ADAMTSL1: variants seen among roughly 807,000 people sequenced by gnomAD.
ADAMTSL1 encodes ADAMTS-like protein 1.
ADAMTSL1 carries 126 observed loss-of-function variants against 201.8 expected under a neutral mutation model. The ratio of observed to expected loss-of-function variants is 0.62; its 90% CI spans 0.54 to 0.72. The LOEUF (loss-of-function observed/expected upper bound fraction) is 0.72, where lower values mean the gene tolerates loss of function less well. Ranked by LOEUF, ADAMTSL1 falls within the 30% of genes least tolerant of loss-of-function variation. The pLI, the probability that ADAMTSL1 is intolerant of heterozygous loss-of-function variation, is 0.00. For missense variants in ADAMTSL1, 2,679 were observed against 2,277.8 expected (o/e 1.18, Z -3.59); for synonymous variants, 1,121 against 903.4 (o/e 1.24, Z -4.32).
chr9:18,121,750 T>C (rs1435576805), intron 1 of ADAMTSL1, among the ~76,000 whole-genome samples: 1 of 152,182 alleles, frequency 6.6e-6, no homozygotes, highest in Non-Finnish European at 1.5e-5. Flanking sequence ...GAAATTAAAA[T>C]GATGGTGTAT....
At chr9:18,383,229 A>G (rs553108200) in intron 2 of ADAMTSL1, among the ~76,000 whole-genome samples, 1 of 152,282 alleles carries the variant, frequency 6.6e-6, no homozygotes, top group Non-Finnish European at 1.5e-5. Context: ...AAAGTCTTCT[A>G]TACTTTCTTG....
intron 2 of ADAMTSL1, among the ~76,000 whole-genome samples, chr9:18,290,162 T>C (rs375671648): frequency 2.6e-5 from 4 of 152,292 alleles, no homozygotes; most frequent in African/African-American, 9.6e-5. Flanking sequence ...GTGATTCAAC[T>C]TGAACCCTCC....
chr9:18,480,310 A>T (rs564433835), intron 1 of ADAMTSL1, among the ~76,000 whole-genome samples: 1 of 152,300 alleles, frequency 6.6e-6, no homozygotes, highest in Admixed American at 6.5e-5. Context: ...AATAGCTAGA[A>T]GTACTATATG....
chr9:18,657,291 T>A (rs1461261541), intron 7 of ADAMTSL1, among the ~76,000 whole-genome samples: 1 of 152,234 alleles, frequency 6.6e-6, no homozygotes, highest in African/African-American at 2.4e-5. Flanking sequence ...AATCTACATT[T>A]TAAAATCCAC....
intron 2 of ADAMTSL1, among the ~76,000 whole-genome samples, chr9:18,453,634 A>C (rs1820497435): frequency 6.6e-6 from 1 of 151,994 alleles, no homozygotes; most frequent in Admixed American, 6.6e-5. Context: ...CTCCCTCAAT[A>C]TTTTGCTTGG....
At chr9:18,856,414 G>A (rs62549158) in intron 23 of ADAMTSL1, among the ~76,000 whole-genome samples, 199 of 148,296 alleles carry the variant, frequency 1.3e-3, no homozygotes, top group Middle Eastern at 0.011. Context: ...TAGTCTTATT[G>A]TTGACATAGC....
chr9:18,652,182 G>T (rs1828320394), intron 7 of ADAMTSL1, among the ~76,000 whole-genome samples: 1 of 151,888 alleles, frequency 6.6e-6, no homozygotes, highest in African/African-American at 2.4e-5. Context: ...GACCAGCCTG[G>T]CCAAGATGGT....
chr9:18,811,314 T>A (rs1000385990), intron 20 of ADAMTSL1, among the ~76,000 whole-genome samples: 1 of 152,180 alleles, frequency 6.6e-6, no homozygotes, highest in Non-Finnish European at 1.5e-5. Flanking sequence ...GGAGACCACA[T>A]GGGGAGCCTG....
intron 7 of ADAMTSL1, among the ~76,000 whole-genome samples, chr9:18,655,004 C>G (rs1250428573): frequency 1.3e-5 from 2 of 152,244 alleles, no homozygotes; most frequent in East Asian, 1.9e-4. Flanking sequence ...CTAAGCCAGG[C>G]TGGGGGGACC....
chr9:18,898,135 G>C (rs1328187436), intron 26 of ADAMTSL1, among the ~76,000 whole-genome samples: 1 of 152,184 alleles, frequency 6.6e-6, no homozygotes, highest in Non-Finnish European at 1.5e-5. Flanking sequence ...GTTGCAGTGA[G>C]CTGAGATCAT....
chr9:18,795,536 A>C lies in ADAMTSL1; in HGVS notation c.3805+12A>C. ...CGTCACATTAGCAGGTAACCCAAAA[A>C]TCCCTGTTCTGTTCATTTCATAAAC... On this transcript the variant is annotated intron_variant, in intron 20 of 28. Transcript: ENST00000380548. 6.2e-7 allele frequency: 1 copy of C among 1,601,984 alleles called. No homozygotes were observed. Among genetic ancestry groups the C allele is most frequent in the Non-Finnish European group, 8.5e-7 (1 of 1,173,608 alleles).
At chr9:18,809,413 T>C (rs1021912617) in intron 20 of ADAMTSL1, among the ~76,000 whole-genome samples, 7 of 152,146 alleles carry the variant, frequency 4.6e-5, no homozygotes, top group Admixed American at 3.9e-4. Flanking sequence ...GCTGGAGCAC[T>C]GTGATTGATG....
At chr9:18,409,091 A>G (rs1358573972) in intron 2 of ADAMTSL1, among the ~76,000 whole-genome samples, 2 of 152,086 alleles carry the variant, frequency 1.3e-5, no homozygotes, top group Non-Finnish European at 1.5e-5. Context: ...AAATCGGAAG[A>G]CTGACATCCA....
intron 2 of ADAMTSL1, among the ~76,000 whole-genome samples, chr9:18,268,326 C>T (rs905612086): frequency 6.6e-6 from 1 of 152,176 alleles, no homozygotes; most frequent in Admixed American, 6.6e-5. Flanking sequence ...TCCCAAACCA[C>T]TGGTTTTCCC....
chr9:18,791,182 A>AAGCAAGCCTCCGTCTCTGC (rs1331332888), intron 19 of ADAMTSL1, among the ~76,000 whole-genome samples: 2 of 152,186 alleles, frequency 1.3e-5, no homozygotes, highest in Admixed American at 6.5e-5. Flanking sequence ...AGGTAAACTG[A>AAGCAAGCCTCCGTCTCTGC]AGCAAGCCTC....
At chr9:18,689,155 T>C (rs189827196) in intron 13 of ADAMTSL1, among the ~76,000 whole-genome samples, 21 of 152,302 alleles carry the variant, frequency 1.4e-4, no homozygotes, top group African/African-American at 5.1e-4. Context: ...AGTACAATTA[T>C]ATTTGTTAAT....
intron 15 of ADAMTSL1, among the ~76,000 whole-genome samples, chr9:18,724,509 T>C (rs140480071): frequency 6.6e-6 from 1 of 152,370 alleles, no homozygotes; most frequent in East Asian, 1.9e-4. Context: ...TTCTGACTGT[T>C]CCAATTTGTG....
Position 18,850,750 on chromosome 9 carries a change from G to A in ADAMTSL1, c.4249+20773G>A, listed in dbSNP as rs118012507. 2.2e-4 allele frequency among the ~76,000 whole-genome samples: 34 copies of A among 152,242 alleles called. No individual in the cohort carries two copies. The East Asian group carries it at 6.0e-3, about 27-fold the overall frequency. On this transcript the variant is annotated intron_variant, in intron 23 of 28. Transcript: ENST00000380548. Reference sequence around the variant, plus strand: ...AAATTCTAGCCCCAGTCAACCTACCGTTTTATTAACTTACTCATTTTATGC... The same window carrying A: ...AAATTCTAGCCCCAGTCAACCTACCATTTTATTAACTTACTCATTTTATGC...
intron 1 of ADAMTSL1, among the ~76,000 whole-genome samples, chr9:17,975,288 T>C (rs1818399704): frequency 6.6e-6 from 1 of 152,068 alleles, no homozygotes; most frequent in African/African-American, 2.4e-5. Context: ...TGAGCTGTTA[T>C]AACAAAATAT....
Sources: gnomAD v4.1 joint callset for allele counts (sites outside exome capture counted in the v4.1 genomes callset) on GRCh38, gnomAD v4.1.1 for gene constraint, MANE v1.5 for transcripts, NCBI Gene and HGNC (gene_info 2026-07-23, HGNC 2026-07-21) for gene names.